Variants in IL7R observed in about 807,000 individuals in gnomAD.
IL7R encodes interleukin-7 receptor subunit alpha.
Under a neutral mutation model 47.0 loss-of-function variants are expected in IL7R, and 38 were observed. The observed-to-expected ratio is 0.81, with a 90% CI of 0.62 to 1.06. IL7R has a LOEUF of 1.06. Among genes scored for constraint, IL7R ranks in the 50% least tolerant of loss-of-function variants. The pLI is 0.00. For synonymous variants in IL7R, 221 were observed against 199.8 expected (o/e 1.11, Z -0.89); for missense variants, 633 against 534.8 (o/e 1.18, Z -1.81).
rs372159709 is a variant in IL7R, at chr5:35,869,504, A to C, written c.380-1552A>C. ...CTCAGAATCAAAGAACTGGATTTGGATCCCTTTAAACCATTTTACAGGGGC... is the reference window on the plus strand; with the variant it reads ...CTCAGAATCAAAGAACTGGATTTGGCTCCCTTTAAACCATTTTACAGGGGC... On this transcript the variant is annotated intron_variant, in intron 3 of 7. Transcript: ENST00000303115. Among the ~76,000 whole-genome samples, 18 of 152,318 alleles carry C rather than the reference A, an allele frequency of 1.2e-4. No homozygotes were observed. In the South Asian group the frequency reaches 3.7e-3, roughly 32 times the overall value.
intron 2 of IL7R, 41 bp downstream of exon 2, chr5:35,861,031 G>T (rs771616170): frequency 6.3e-7 from 1 of 1,598,852 alleles, no homozygotes; most frequent in South Asian, 1.1e-5. Flanking sequence ...GACATCCTCT[G>T]TCTCTCTTTT....
rs758320927 is a variant in IL7R at position 35,871,213 on chromosome 5, G to A, written c.537G>A (p.Thr179=). 1.5e-5 allele frequency: 24 copies of A among 1,608,032 alleles called. No homozygotes were observed. The highest frequency in any genetic ancestry group is 9.4e-5 in the African/African-American group (7 of 74,768). ...AGGAAAAGGATGAAAACAAATGGAC[G>A]GTATGTAGTTCAACTACATTAATAA... ...YRQEKDENKW[T]HVNLSSTKLT... is the part of the protein sequence containing the mutation. Residue 179 remains threonine (T), a splice_region_variant and synonymous_variant, in exon 4 of 8, where the codon ACG becomes ACA. Transcript: ENST00000303115.
chr5:35,863,542 C>T (rs1364036507), intron 2 of IL7R, among the ~76,000 whole-genome samples: 1 of 152,126 alleles, frequency 6.6e-6, no homozygotes, highest in Non-Finnish European at 1.5e-5. Context: ...AAAAGGCCTT[C>T]CTAGAACACA....
At chr5:35,868,097 T>A (rs918168055) in intron 3 of IL7R, among the ~76,000 whole-genome samples, 1 of 151,998 alleles carries the variant, frequency 6.6e-6, no homozygotes, top group Non-Finnish European at 1.5e-5. Flanking sequence ...GGCAAGAAAC[T>A]CAAGCAGATT....
chr5:35,873,532 C>T lies in IL7R; in HGVS notation c.590C>T (p.Pro197Leu), dbSNP rs587778404. The stretch of plus-strand genomic sequence containing the variant: ...ACACTCCTGCAGAGAAAGCTCCAAC[C>T]GGCAGCAATGTATGAGATTAAAGTT... ...KLTLLQRKLQ[P>L]AAMYEIKVRS... is the part of the protein sequence containing the mutation. Residue 197 changes from proline (P) to leucine (L), a missense_variant, in exon 5 of 8, where the codon CCG becomes CTG. Physicochemically the swap from Pro to Leu is moderately conservative, Grantham distance 98. Transcript: ENST00000303115. The T allele has an allele frequency of 3.1e-5, 50 of 1,613,810 alleles. No individual in the cohort carries two copies. Among genetic ancestry groups the T allele is most frequent in the Admixed American group, 5.0e-5 (3 of 59,988 alleles).
chr5:35,858,100 T>A lies in IL7R; in HGVS notation c.82+1041T>A, dbSNP rs551127341. Among the ~76,000 whole-genome samples the A allele has an allele frequency of 3.3e-5, 5 of 152,296 alleles. No individual in the cohort carries two copies. The South Asian group carries it at 1.0e-3, about 32-fold the overall frequency. On this transcript the variant is annotated intron_variant, in intron 1 of 7. Coordinates refer to ENST00000303115, the MANE Select transcript of IL7R (RefSeq NM_002185.5). ...TGCCTTGGATTTCCACAAAGACTGATGGGAGGCAGGAAACATAAATCTTAC... is the reference window on the plus strand; with the variant it reads ...TGCCTTGGATTTCCACAAAGACTGAAGGGAGGCAGGAAACATAAATCTTAC...
At chr5:35,858,507 T>G (rs1251404860) in intron 1 of IL7R, among the ~76,000 whole-genome samples, 1 of 152,202 alleles carries the variant, frequency 6.6e-6, no homozygotes, top group Non-Finnish European at 1.5e-5. Flanking sequence ...TAAATTTTTA[T>G]GGATAAATAT....
At chr5:35,868,605 T>C (rs1665120391) in intron 3 of IL7R, among the ~76,000 whole-genome samples, 1 of 152,072 alleles carries the variant, frequency 6.6e-6, no homozygotes, top group African/African-American at 2.4e-5. Context: ...TTATAAAAAG[T>C]TGGGTTCTGA....
chr5:35,857,361 G>C (rs1759680888), intron 1 of IL7R, among the ~76,000 whole-genome samples: 1 of 152,092 alleles, frequency 6.6e-6, no homozygotes, highest in African/African-American at 2.4e-5. Context: ...TAGATGCTAT[G>C]ACTGTACTTG....
chr5:35,863,195 T>A (rs566699923), intron 2 of IL7R, among the ~76,000 whole-genome samples: 2 of 152,218 alleles, frequency 1.3e-5, no homozygotes, highest in East Asian at 1.9e-4. Flanking sequence ...GGGAGAACAG[T>A]TTTAAGGAAT....
rs1383978436 is a variant in IL7R at position 35,878,119 on chromosome 5, C to T, written c.*1633C>T. The T allele has an allele frequency of 8.6e-6, 2 of 233,054 alleles. No individual in the cohort carries two copies. Among genetic ancestry groups the T allele is most frequent in the Non-Finnish European group, 1.7e-5 (2 of 118,052 alleles). 14.4% of individuals were successfully genotyped at this position (233,054 alleles called of 1,614,324 possible). The stretch of plus-strand genomic sequence containing the variant: ...GGGTTTTAACTGTGGATGAATGGAC[C>T]TTATCTGTTGGCTTAAAGGACTGGT... On this transcript the variant is annotated 3_prime_UTR_variant, in exon 8 of 8. Coordinates refer to ENST00000303115, the MANE Select transcript of IL7R (RefSeq NM_002185.5).
chr5:35,876,119 A>G lies in IL7R; in HGVS notation c.1013A>G (p.Gln338Arg), dbSNP rs1446199888. 4 of 1,614,208 alleles carry G rather than the reference A, an allele frequency of 2.5e-6. 1 individual carries two copies. The highest frequency in any genetic ancestry group is 2.2e-5 in the South Asian group (2 of 91,088). The change falls in exon 8 of 8, where the codon CAG becomes CGG. Residue 338 changes from glutamine (Q) to arginine (R), a missense_variant. Transcript: ENST00000303115. ...CAGCAACTAGAAGAATCTGAGAAGC[A>G]GAGGCTTGGAGGGGATGTGCAGAGC... is the stretch of plus-strand genomic sequence containing the variant. ...FPQQLEESEK[Q>R]RLGGDVQSPN...
chr5:35,876,780 T>G lies in IL7R; in HGVS notation c.*294T>G. 4.5e-6 allele frequency: 2 copies of G among 439,884 alleles called. No individual in the cohort carries two copies. Among genetic ancestry groups the G allele is most frequent in the Non-Finnish European group, 8.2e-6 (2 of 242,826 alleles). 27.2% of individuals were successfully genotyped at this position (439,884 alleles called of 1,614,324 possible). On this transcript the variant is annotated 3_prime_UTR_variant, in exon 8 of 8. Coordinates refer to ENST00000303115, the MANE Select transcript of IL7R (RefSeq NM_002185.5). Reference sequence around the variant, plus strand: ...GGAAAGAATGAAAGAGTAAAGGAAATGATTGAGGAGTGAGGAAGGCAGGAA... The same window carrying G: ...GGAAAGAATGAAAGAGTAAAGGAAAGGATTGAGGAGTGAGGAAGGCAGGAA...
At chr5:35,860,764 G>C in intron 1 of IL7R, 88 bp from the exon 2 acceptor site, 2 of 1,265,312 alleles carry the variant, frequency 1.6e-6, no homozygotes, top group Non-Finnish European at 2.3e-6. Flanking sequence ...GTCTGCCACA[G>C]AGTCTGCTAT....
Position 35,874,621 on chromosome 5 carries a change from G to T in IL7R, c.800+79G>T. 2.8e-6 allele frequency: 3 copies of T among 1,083,596 alleles called. No individual in the cohort carries two copies. In the South Asian group the frequency reaches 3.7e-5, roughly 13 times the overall value. 67.1% of individuals were successfully genotyped at this position (1,083,596 alleles called of 1,614,324 possible). A position where few individuals can be genotyped will look rare whatever the true frequency, so the allele number is the denominator to read the frequency against. The stretch of plus-strand genomic sequence containing the variant: ...GAGCTTAAGCCCCATTTATTGATGA[G>T]AAAACCACAAAGGGGATTAAGGCAT... On this transcript the variant is annotated intron_variant, in intron 6 of 7. Transcript: ENST00000303115.
chr5:35,870,393 CT>C (rs1760040966), intron 3 of IL7R, among the ~76,000 whole-genome samples: 1 of 152,200 alleles, frequency 6.6e-6, no homozygotes, highest in African/African-American at 2.4e-5. Context: ...TCTGGAAGGT[CT>C]TAGCCAGGGC....
intron 3 of IL7R, 91 bp from the exon 4 acceptor site, chr5:35,870,965 C>T: frequency 8.5e-7 from 1 of 1,169,992 alleles, no homozygotes; most frequent in Non-Finnish European, 1.3e-6. Context: ...CAAAAAGGGT[C>T]AAAGTGACTT....
chr5:35,872,735 T>C (rs548480904), intron 4 of IL7R, among the ~76,000 whole-genome samples: 99 of 152,234 alleles, frequency 6.5e-4, no homozygotes, highest in African/African-American at 1.9e-3. Flanking sequence ...GGTTTATATA[T>C]GTCAACACAC....
intron 3 of IL7R, among the ~76,000 whole-genome samples, chr5:35,869,356 C>T (rs1760015111): frequency 6.6e-6 from 1 of 152,166 alleles, no homozygotes; most frequent in Admixed American, 6.5e-5. Flanking sequence ...GAATGAGCCC[C>T]TTTTTCTAAT....
Sources: gnomAD v4.1 joint callset for allele counts (sites outside exome capture counted in the v4.1 genomes callset) on GRCh38, gnomAD v4.1.1 for gene constraint, MANE v1.5 for transcripts, NCBI Gene and HGNC (gene_info 2026-07-23, HGNC 2026-07-21) for gene names.